Variants in RBFOX1 observed in about 807,000 individuals in gnomAD.
The protein encoded by RBFOX1 is RNA binding fox-1 homolog 1.
RBFOX1 carries 8 observed loss-of-function variants against 57.7 expected under a neutral mutation model. The observed-to-expected ratio is 0.14, with a 90% confidence interval of 0.08 to 0.25. The LOEUF (loss-of-function observed/expected upper bound fraction) is 0.25. Ranked by LOEUF, RBFOX1 falls within the 10% of genes least tolerant of loss-of-function variation. The pLI, the probability that RBFOX1 is intolerant of heterozygous loss-of-function variation, is 1.00. For synonymous variants in RBFOX1, 326 were observed against 222.4 expected (o/e 1.47, Z -4.15); for missense variants, 611 against 548.5 (o/e 1.11, Z -1.14).
At chr16:6,216,482 C>A (rs1178386741) in intron 1 of RBFOX1, among the ~76,000 whole-genome samples, 2 of 152,160 alleles carry the variant, frequency 1.3e-5, no homozygotes, top group Non-Finnish European at 2.9e-5. Flanking sequence ...TGCTGTATCG[C>A]TGAAGAGAGT....
intron 14 of RBFOX1, among the ~76,000 whole-genome samples, chr16:7,683,085 A>G (rs1347111020): frequency 1.7e-4 from 8 of 46,684 alleles, no homozygotes; most frequent in African/African-American, 6.1e-4. Flanking sequence ...CCAAAAAATT[A>G]GGATAACTAA....
chr16:5,788,195 G>C (rs934651160), intron 3 of RBFOX1, among the ~76,000 whole-genome samples: 1 of 152,170 alleles, frequency 6.6e-6, no homozygotes, highest in East Asian at 1.9e-4. Flanking sequence ...AATATCTGCT[G>C]TTGGCCGGTA....
At chr16:6,775,222 G>A (rs2079110267) in intron 3 of RBFOX1, among the ~76,000 whole-genome samples, 1 of 148,576 alleles carries the variant, frequency 6.7e-6, no homozygotes, top group Non-Finnish European at 1.5e-5. Context: ...TGTAGTCCCA[G>A]CTACTCGGGA....
chr16:7,072,584 C>G (rs974360455), intron 4 of RBFOX1, among the ~76,000 whole-genome samples: 1 of 152,172 alleles, frequency 6.6e-6, no homozygotes. Context: ...GCACCAATAA[C>G]ATAATCTGGC....
chr16:6,085,513 T>C (rs559793161), intron 1 of RBFOX1, among the ~76,000 whole-genome samples: 48 of 152,342 alleles, frequency 3.2e-4, no homozygotes, highest in African/African-American at 1.1e-3. Context: ...TCAGGTGATC[T>C]GCCCGCCTCG....
At chr16:5,729,398 T>TTTC (rs1555511023) in intron 3 of RBFOX1, among the ~76,000 whole-genome samples, 2 of 55,028 alleles carry the variant, frequency 3.6e-5, no homozygotes, top group African/African-American at 4.1e-4. Context: ...TTTCTTTTCT[T>TTTC]TTTTTTTTTT....
intron 2 of RBFOX1, among the ~76,000 whole-genome samples, chr16:6,408,696 G>A (rs1047885389): frequency 5.9e-5 from 9 of 152,056 alleles, no homozygotes; most frequent in African/African-American, 9.7e-5. Context: ...GTTTTGTTAC[G>A]GTTTTAGCAA....
intron 2 of RBFOX1, among the ~76,000 whole-genome samples, chr16:6,611,678 A>T (rs1464273244): frequency 6.6e-6 from 1 of 152,194 alleles, no homozygotes; most frequent in Admixed American, 6.5e-5. Context: ...AGCAAGGATG[A>T]TTCCGGCTTA....
intron 4 of RBFOX1, among the ~76,000 whole-genome samples, chr16:7,267,052 C>T (rs764787097): frequency 7.2e-5 from 11 of 152,196 alleles, no homozygotes; most frequent in African/African-American, 2.4e-4. Flanking sequence ...GGCCAGCATA[C>T]CTGAGGAGAG....
At chr16:6,722,225 C>A (rs553664056) in intron 3 of RBFOX1, among the ~76,000 whole-genome samples, 64 of 152,220 alleles carry the variant, frequency 4.2e-4, no homozygotes, top group Non-Finnish European at 8.1e-4. Flanking sequence ...GAACCACTAT[C>A]CTGTTTTCCA....
intron 3 of RBFOX1, among the ~76,000 whole-genome samples, chr16:6,709,564 T>A (rs2063363891): frequency 1.3e-5 from 2 of 152,200 alleles, no homozygotes; most frequent in Admixed American, 1.3e-4. Context: ...GGTATTAATC[T>A]TCAAACTCAT....
At chr16:5,793,528 G>C (rs540772160) in intron 3 of RBFOX1, among the ~76,000 whole-genome samples, 1 of 152,202 alleles carries the variant, frequency 6.6e-6, no homozygotes, top group Non-Finnish European at 1.5e-5. Flanking sequence ...GTTGGCACAA[G>C]CCATGTTGCC....
intron 3 of RBFOX1, among the ~76,000 whole-genome samples, chr16:5,645,473 C>T (rs1477093575): frequency 6.6e-6 from 1 of 152,144 alleles, no homozygotes; most frequent in Non-Finnish European, 1.5e-5. Flanking sequence ...GTGATGTTTG[C>T]ACACAGCTAT....
intron 9 of RBFOX1, among the ~76,000 whole-genome samples, chr16:7,603,043 G>A (rs1410732338): frequency 3.3e-5 from 5 of 152,204 alleles, no homozygotes; most frequent in East Asian, 1.9e-4. Flanking sequence ...ATGGAAACAC[G>A]GCATGCCAAA....
chr16:7,146,624 C>G (rs898728384), intron 4 of RBFOX1, among the ~76,000 whole-genome samples: 13 of 152,020 alleles, frequency 8.6e-5, no homozygotes, highest in Non-Finnish European at 1.9e-4. Flanking sequence ...CTTCAGCACT[C>G]CAGAAACTCA....
chr16:5,753,963 C>G (rs1328061661), intron 3 of RBFOX1, among the ~76,000 whole-genome samples: 1 of 152,044 alleles, frequency 6.6e-6, no homozygotes, highest in Non-Finnish European at 1.5e-5. Flanking sequence ...TGGTAATTAT[C>G]TAGCCTCTCC....
At chr16:6,351,368 ATATATT>A (rs2086343179) in intron 2 of RBFOX1, among the ~76,000 whole-genome samples, 1 of 103,858 alleles carries the variant, frequency 9.6e-6, no homozygotes, top group African/African-American at 4.4e-5. Flanking sequence ...ATATATATAT[ATATATT>A]TTTTTTTTTT....
intron 3 of RBFOX1, among the ~76,000 whole-genome samples, chr16:7,046,655 G>T (rs572620814): frequency 1.6e-5 from 2 of 128,790 alleles, no homozygotes; most frequent in Non-Finnish European, 3.1e-5. Flanking sequence ...GTCTCAGTCT[G>T]TGTGCAATGG....
chr16:6,842,237 C>T (rs550577854), intron 3 of RBFOX1, among the ~76,000 whole-genome samples: 3 of 151,824 alleles, frequency 2.0e-5, no homozygotes, highest in Non-Finnish European at 4.4e-5. Context: ...TGAATAATAC[C>T]TCTGACATGG....
Sources: gnomAD v4.1 joint callset for allele counts (sites outside exome capture counted in the v4.1 genomes callset) on GRCh38, gnomAD v4.1.1 for gene constraint, MANE v1.5 for transcripts, NCBI Gene and HGNC (gene_info 2026-07-23, HGNC 2026-07-21) for gene names.